EYS: variants seen among roughly 807,000 people sequenced by gnomAD.
EYS encodes the protein protein eyes shut homolog.
A neutral mutation model predicts 282.1 loss-of-function variants in EYS; 250 were observed. The ratio of observed to expected loss-of-function variants is 0.89; its 90% CI spans 0.80 to 0.98. The LOEUF (loss-of-function observed/expected upper bound fraction) is 0.98. Ranked by LOEUF, EYS falls within the 50% of genes least tolerant of loss-of-function variation. EYS has a pLI of 0.00. For missense variants in EYS, 4,016 were observed against 3,709.0 expected, an observed-to-expected ratio of 1.08 and a Z score of -2.15; for synonymous variants, 1,355 against 1,282.9, an observed-to-expected ratio of 1.06 and a Z score of -1.20.
chr6:63,796,404 T>A (rs1273859655), intron 37 of EYS, among the ~76,000 whole-genome samples: 1 of 152,208 alleles, frequency 6.6e-6, no homozygotes. Context: ...TTTCAGCATA[T>A]TCCAGTTAAT....
rs147568702 is a variant in EYS at position 64,064,011 on chromosome 6, C to T, written c.6725+2327G>A. Among the ~76,000 whole-genome samples, 563 of 152,226 alleles carry T rather than the reference C, an allele frequency of 3.7e-3. 3 individuals carry two copies. Among genetic ancestry groups the T allele is most frequent in the African/African-American group, 0.013 (531 of 41,546 alleles). On this transcript the variant is annotated intron_variant, in intron 33 of 42. Transcript: ENST00000503581. ...GGTTTTTTCATGTACTCTTCCCTTG[C>T]CTGAAACTCATAACCACTGCTTTGC...
At chr6:65,255,971 C>A (rs1368055161) in intron 12 of EYS, among the ~76,000 whole-genome samples, 1 of 151,980 alleles carries the variant, frequency 6.6e-6, no homozygotes. Context: ...ATAAATCTAC[C>A]ATATGATCCA....
intron 15 of EYS, among the ~76,000 whole-genome samples, chr6:64,938,784 A>G (rs993824678): frequency 6.6e-6 from 1 of 151,680 alleles, no homozygotes; most frequent in Non-Finnish European, 1.5e-5. Context: ...TACATTTCCA[A>G]CTTACAATTT....
At chr6:64,721,964 A>G (rs550604791) in intron 22 of EYS, among the ~76,000 whole-genome samples, 2 of 152,340 alleles carry the variant, frequency 1.3e-5, no homozygotes, top group African/African-American at 4.8e-5. Context: ...TTATTCAAAC[A>G]TTACACTGTT....
chr6:64,461,895 A>G (rs1354832539), intron 26 of EYS, among the ~76,000 whole-genome samples: 2 of 152,176 alleles, frequency 1.3e-5, no homozygotes, highest in Admixed American at 6.5e-5. Flanking sequence ...GATTTTGAAG[A>G]AATAATTTGG....
At chr6:65,156,164 A>G (rs923372511) in intron 12 of EYS, among the ~76,000 whole-genome samples, 1 of 151,288 alleles carries the variant, frequency 6.6e-6, no homozygotes, top group Non-Finnish European at 1.5e-5. Context: ...ATTTGATTGC[A>G]TAAGAGGAGG....
At chr6:65,674,939 G>T (rs1195667676) in intron 1 of EYS, among the ~76,000 whole-genome samples, 2 of 77,164 alleles carry the variant, frequency 2.6e-5, no homozygotes, top group African/African-American at 9.1e-5. Flanking sequence ...CACAATATAA[G>T]AAAGTATAAT....
chr6:65,433,564 T>C (rs1767959891), intron 5 of EYS, among the ~76,000 whole-genome samples: 1 of 152,156 alleles, frequency 6.6e-6, no homozygotes, highest in South Asian at 2.1e-4. Flanking sequence ...ATGAAAGTAA[T>C]AACACCCAGC....
intron 5 of EYS, among the ~76,000 whole-genome samples, chr6:65,464,489 T>C (rs1042948580): frequency 4.6e-5 from 7 of 152,158 alleles, no homozygotes; most frequent in African/African-American, 1.7e-4. Context: ...TACAACTAAA[T>C]GCCAAAGTTG....
chr6:64,362,730 A>T (rs1772058352), intron 29 of EYS, among the ~76,000 whole-genome samples: 1 of 151,640 alleles, frequency 6.6e-6, no homozygotes, highest in East Asian at 1.9e-4. Flanking sequence ...AGAGGACATA[A>T]CCCTCTACTA....
At chr6:64,078,101 T>G (rs1202347216) in intron 32 of EYS, among the ~76,000 whole-genome samples, 2 of 152,038 alleles carry the variant, frequency 1.3e-5, no homozygotes, top group Non-Finnish European at 2.9e-5. Context: ...ACCAGGAATA[T>G]AATTCAAAGC....
In EYS at chr6:64,591,268, T is replaced by G; in HGVS notation, c.4599A>C (p.Ser1533=). 6.4e-7 allele frequency: 1 copy of G among 1,551,432 alleles called. No homozygotes were observed. Among genetic ancestry groups the G allele is most frequent in the Non-Finnish European group, 8.7e-7 (1 of 1,146,816 alleles). Residue 1533 remains serine, a synonymous_variant, in exon 26 of 43, where the codon TCA becomes TCC. Coordinates refer to ENST00000503581, the MANE Select transcript of EYS (RefSeq NM_001142800.2). ...PSEYQAITEA[S]SNQRLTNIKS... ...TGATGTTTGTGAGTCTCTGGTTGCT[T>G]GAAGCCTCAGTAATAGCCTGATATT...
chr6:65,599,225 T>C (rs546265972), intron 2 of EYS, among the ~76,000 whole-genome samples: 6 of 151,850 alleles, frequency 4.0e-5, no homozygotes, highest in Non-Finnish European at 1.5e-5. Context: ...ACTGTAATTA[T>C]TGAAAAAAAT....
At chr6:65,274,001 T>G (rs1168784206) in intron 12 of EYS, among the ~76,000 whole-genome samples, 1 of 152,128 alleles carries the variant, frequency 6.6e-6, no homozygotes, top group African/African-American at 2.4e-5. Context: ...TGTCTACCAG[T>G]TAGAACTGGG....
At chr6:64,897,661 C>T (rs773575297) in intron 18 of EYS, among the ~76,000 whole-genome samples, 31 of 151,970 alleles carry the variant, frequency 2.0e-4, no homozygotes, top group Non-Finnish European at 3.1e-4. Flanking sequence ...CTCCTCTGAG[C>T]GAAAAAAGCA....
chr6:64,950,191 T>C (rs1176195860), intron 14 of EYS, among the ~76,000 whole-genome samples: 1 of 151,880 alleles, frequency 6.6e-6, no homozygotes, highest in Non-Finnish European at 1.5e-5. Context: ...ATGAGGAAAA[T>C]GTATTCAAGA....
chr6:64,398,952 T>TG (rs1236733052), intron 28 of EYS, among the ~76,000 whole-genome samples: 2 of 151,874 alleles, frequency 1.3e-5, no homozygotes, highest in Non-Finnish European at 2.9e-5. Flanking sequence ...ACAATTAAAC[T>TG]GTTAAAAATA....
rs372107427 is a variant in EYS at position 64,026,852 on chromosome 6, G to A, written c.6726-27669C>T. ...GAGGGAGGGGAATTTGGCCCAACCC[G>A]GGTACATGTCCCCTTCTCCCTCTCT... On this transcript the variant is annotated intron_variant, in intron 33 of 42. Transcript: ENST00000503581. 4.3e-4 allele frequency among the ~76,000 whole-genome samples: 66 copies of A among 152,188 alleles called. No homozygotes were observed. In the East Asian group the frequency reaches 7.8e-3, roughly 18 times the overall value.
chr6:64,350,459 T>C (rs1271354656), intron 29 of EYS, among the ~76,000 whole-genome samples: 2 of 82,398 alleles, frequency 2.4e-5, no homozygotes, highest in Non-Finnish European at 6.0e-5. Context: ...GCAAATAATT[T>C]TGATAGCATT....
Sources: allele counts gnomAD v4.1 joint callset (sites outside exome capture counted in the v4.1 genomes callset), GRCh38; gene constraint gnomAD v4.1.1; transcripts MANE v1.5; gene names NCBI Gene and HGNC (gene_info 2026-07-23, HGNC 2026-07-21).